Variants in STARD9 observed in about 807,000 individuals in gnomAD.
STARD9 encodes StAR related lipid transfer domain containing 9, also known as stAR-related lipid transfer protein 9.
Under a neutral mutation model 399.8 loss-of-function variants are expected in STARD9, and 346 were observed. The observed-to-expected ratio is 0.87, with a 90% CI of 0.79 to 0.95. The LOEUF (loss-of-function observed/expected upper bound fraction) is 0.95. Among genes scored for constraint, STARD9 ranks in the 40% least tolerant of loss-of-function variants. The pLI is 0.00. For synonymous variants in STARD9, 2,203 were observed against 2,143.5 expected, an observed-to-expected ratio of 1.03 and a Z score of -0.77; for missense variants, 5,832 against 5,667.5, an observed-to-expected ratio of 1.03 and a Z score of -0.93.
In STARD9 at chr15:42,699,392, C is replaced by CTTTTCTT. The variant is rs1359323091; in HGVS notation, c.13284+3516_13284+3517insCTTTTTT. Among the ~76,000 whole-genome samples the CTTTTCTT allele has an allele frequency of 2.4e-3, 277 of 113,296 alleles. 4 individuals are homozygous for CTTTTCTT. Among genetic ancestry groups the CTTTTCTT allele is most frequent in the African/African-American group, 0.01 (256 of 24,558 alleles). 74.3% of individuals were successfully genotyped at this position (113,296 alleles called of 152,430 possible). A position where few individuals can be genotyped will look rare whatever the true frequency, so the allele number is the denominator to read the frequency against. Reference sequence around the variant, plus strand: ...TCTATGAGATCAACTTTTTTCTTTTCTTTTTTTTTTTTTTTTTTTTGAGAT... The same window carrying CTTTTCTT: ...TCTATGAGATCAACTTTTTTCTTTTCTTTTCTTTTTTTTTTTTTTTTTTTTTTGAGAT... On this transcript the variant is annotated intron_variant, in intron 26 of 32. Transcript: ENST00000290607.
At chr15:42,672,705 G>T (rs1393175769) in intron 16 of STARD9, 2 of 152,194 alleles carry the variant, frequency 1.3e-5, no homozygotes, top group Admixed American at 1.3e-4. Context: ...TTATAGCTAG[G>T]ATTCTTCCTT....
In STARD9 at chr15:42,685,167, C is replaced by G. The variant is rs1274788382; in HGVS notation, c.3589C>G (p.Gln1197Glu). 7.2e-6 allele frequency: 11 copies of G among 1,537,050 alleles called. No individual in the cohort carries two copies. The African/African-American group carries it at 1.2e-4, about 17-fold the overall frequency. The change falls in exon 23 of 33, where the codon CAA (glutamine) becomes GAA (glutamate). Residue 1197 changes from glutamine to glutamate, a missense_variant. This residue lies in a region of STARD9 where 5,828 missense variants were observed against 5,651.1 expected (regional missense o/e 1.03). Transcript: ENST00000290607. ...AGCCTCAGACAGTGACCTACTTGCT[C>G]AAACTCATAGGAGCTTCTCCTTGGA... is the stretch of plus-strand genomic sequence containing the variant. ...TAASDSDLLAQTHRSFSLDSL... is the reference protein window; with the variant it reads ...TAASDSDLLAETHRSFSLDSL...
intron 3 of STARD9, among the ~76,000 whole-genome samples, chr15:42,629,144 C>T (rs1050358046): frequency 1.3e-5 from 2 of 152,056 alleles, no homozygotes; most frequent in African/African-American, 4.8e-5. Flanking sequence ...CTCAGCCTCC[C>T]AAGTAGCCAG....
chr15:42,619,018 G>C (rs2059031221), intron 3 of STARD9, among the ~76,000 whole-genome samples: 1 of 151,530 alleles, frequency 6.6e-6, no homozygotes, highest in African/African-American at 2.4e-5. Context: ...AACACATTTT[G>C]TTTTCTAGTC....
intron 14 of STARD9, 89 bp downstream of exon 14, chr15:42,665,419 A>G: frequency 9.7e-7 from 1 of 1,032,376 alleles, no homozygotes; most frequent in Non-Finnish European, 1.4e-6. Context: ...GCCCTGCTGC[A>G]TTCTATGTTC....
intron 15 of STARD9, among the ~76,000 whole-genome samples, chr15:42,668,531 G>A (rs181853271): frequency 2.0e-5 from 3 of 152,198 alleles, no homozygotes; most frequent in Non-Finnish European, 2.9e-5. Context: ...CTAAGGCTGG[G>A]TACATTTACT....
In STARD9 at chr15:42,575,630, TGGGTTGGGGCTGTGTCTG is replaced by T; in HGVS notation, c.-83_-66del. On this transcript the variant is annotated 5_prime_UTR_variant, in exon 1 of 33. Transcript: ENST00000290607. ...CAGAGGCGCGTGGGGCGGGCGGGGC[TGGGTTGGGGCTGTGTCTG>T]GGCTTAGGGCGGGGGCCTGGGATGC... The T allele has an allele frequency of 7.0e-7, 1 of 1,424,284 alleles. No individual in the cohort carries two copies. The highest frequency in any genetic ancestry group is 9.5e-7 in the Non-Finnish European group (1 of 1,053,688). The allele number at this position is 1,424,284 out of a possible 1,614,324, so 88.2% of individuals were successfully genotyped here.
intron 3 of STARD9, among the ~76,000 whole-genome samples, chr15:42,629,213 G>T (rs1220062289): frequency 3.9e-5 from 6 of 152,122 alleles, no homozygotes; most frequent in Non-Finnish European, 7.4e-5. Context: ...TAGAGACAAG[G>T]TCTCACCATG....
rs2060919134 is a variant in STARD9 at position 42,699,533 on chromosome 15, AC to A, written c.13284+3654del. On this transcript the variant is annotated intron_variant, in intron 26 of 32. Coordinates refer to ENST00000290607, the MANE Select transcript of STARD9 (RefSeq NM_020759.3). ...CTCAGCCTCCTGAGTAGCTGGGACT[AC>A]AGGTGCCCGCCACCACGCCCAGCTA... Among the ~76,000 whole-genome samples the A allele has an allele frequency of 2.7e-5, 4 of 150,086 alleles. No homozygotes were observed. In the South Asian group the frequency reaches 8.4e-4, roughly 32 times the overall value.
At position 42,665,356 on chromosome 15, in the gene STARD9, G is replaced by A. The variant is rs113850597; in HGVS notation, c.1254+26G>A. The A allele has an allele frequency of 2.1e-4, 313 of 1,519,326 alleles. 2 individuals are homozygous for A. The African/African-American group carries it at 2.8e-3, about 13-fold the overall frequency. 94.1% of individuals were successfully genotyped at this position (1,519,326 alleles called of 1,614,324 possible). ...GTATGCAGACAGTCAGAACCTTTCC[G>A]TACTTAAGTGAAATTCTCCTTCTGA... is the stretch of plus-strand genomic sequence containing the variant. On this transcript the variant is annotated intron_variant, in intron 14 of 32. Transcript: ENST00000290607.
At chr15:42,657,540 A>C (rs763159117) in intron 9 of STARD9, among the ~76,000 whole-genome samples, 23 of 152,230 alleles carry the variant, frequency 1.5e-4, no homozygotes, top group Non-Finnish European at 1.5e-5. Flanking sequence ...ACAGTTCAAC[A>C]ATGGTTGGAT....
At chr15:42,711,297 G>A (rs959977529) in intron 26 of STARD9, among the ~76,000 whole-genome samples, 8 of 151,876 alleles carry the variant, frequency 5.3e-5, no homozygotes, top group Non-Finnish European at 1.0e-4. Flanking sequence ...CCGCCACCAC[G>A]CCCCGCTAAT....
rs868173364 is a variant in STARD9, at chr15:42,685,171, C to T, written c.3593C>T (p.Thr1198Ile). The change falls in exon 23 of 33, where the codon ACT becomes ATT. Residue 1198 changes from threonine to isoleucine, a missense_variant. This residue lies in a region of STARD9 where 5,828 missense variants were observed against 5,651.1 expected (regional missense o/e 1.03). Coordinates refer to ENST00000290607, the MANE Select transcript of STARD9 (RefSeq NM_020759.3). ...AASDSDLLAQ[T>I]HRSFSLDSLI... is the part of the protein sequence containing the mutation. Reference sequence around the variant, plus strand: ...TCAGACAGTGACCTACTTGCTCAAACTCATAGGAGCTTCTCCTTGGATAGC... The same window carrying T: ...TCAGACAGTGACCTACTTGCTCAAATTCATAGGAGCTTCTCCTTGGATAGC... The T allele has an allele frequency of 4.6e-6, 7 of 1,537,066 alleles. No homozygotes were observed. The African/African-American group carries it at 9.6e-5, about 21-fold the overall frequency.
chr15:42,626,552 G>A (rs1349372367), intron 3 of STARD9, among the ~76,000 whole-genome samples: 2 of 151,184 alleles, frequency 1.3e-5, no homozygotes, highest in Admixed American at 1.3e-4. Flanking sequence ...CCAGGCTGGA[G>A]CGCAGTGGCG....
intron 3 of STARD9, among the ~76,000 whole-genome samples, chr15:42,593,943 C>T (rs1165324685): frequency 3.3e-5 from 5 of 151,924 alleles, no homozygotes; most frequent in Admixed American, 3.3e-4. Context: ...TCTGGGATTA[C>T]AGGCGTGAGC....
At position 42,690,800 on chromosome 15, in the gene STARD9, T is replaced by C. The variant is rs1054338357; in HGVS notation, c.9222T>C (p.Ala3074=). The change falls in exon 23 of 33, where the codon GCT becomes GCC. Residue 3074 remains alanine, a synonymous_variant. Transcript: ENST00000290607. The stretch of plus-strand genomic sequence containing the variant: ...GGACAGGTTCCTTCAGCCACTCAGC[T>C]ACTGATGGAAGCGTGGGGTTAATAG... ...DVRTGSFSHS[A]TDGSVGLIGV... is the part of the protein sequence containing the mutation. The C allele has an allele frequency of 2.6e-6, 4 of 1,537,126 alleles. No homozygotes were observed. The African/African-American group carries it at 5.5e-5, about 21-fold the overall frequency.
chr15:42,607,687 A>C (rs371980232), intron 3 of STARD9, among the ~76,000 whole-genome samples: 1 of 90,588 alleles, frequency 1.1e-5, no homozygotes, highest in African/African-American at 4.0e-5. Flanking sequence ...CACACACACA[A>C]ATATATATTT....
At chr15:42,659,489 A>G (rs1025086430) in intron 9 of STARD9, among the ~76,000 whole-genome samples, 1 of 152,078 alleles carries the variant, frequency 6.6e-6, no homozygotes, top group African/African-American at 2.4e-5. Context: ...TGGTATAGCA[A>G]CTTTGGAAAA....
intron 26 of STARD9, among the ~76,000 whole-genome samples, chr15:42,716,108 G>A (rs959523873): frequency 1.3e-5 from 2 of 152,264 alleles, no homozygotes; most frequent in African/African-American, 4.8e-5. Context: ...CAGAGGTCAA[G>A]GGTCCTATTG....
Sources: allele counts gnomAD v4.1 joint callset (sites outside exome capture counted in the v4.1 genomes callset), GRCh38; gene constraint gnomAD v4.1.1; regional missense constraint gnomAD v4.1.1; transcripts MANE v1.5; gene names NCBI Gene and HGNC (gene_info 2026-07-23, HGNC 2026-07-21).